MIS12: variants seen among roughly 807,000 people sequenced by gnomAD.
The protein encoded by MIS12 is protein MIS12 homolog.
MIS12 carries 13 observed loss-of-function variants against 16.5 expected under a neutral mutation model. The ratio of observed to expected loss-of-function variants is 0.79; its 90% CI spans 0.51 to 1.25. The LOEUF (loss-of-function observed/expected upper bound fraction) is 1.25, where lower values mean the gene tolerates loss of function less well. Among genes scored for constraint, MIS12 ranks in the 50% most tolerant of loss-of-function variants. The probability of loss-of-function intolerance (pLI) is 0.00; values close to 1 mark genes in which losing one functional copy is unlikely to be tolerated. For missense variants in MIS12, 199 were observed against 239.5 expected (o/e 0.83, Z 1.12); for synonymous variants, 97 against 87.3 (o/e 1.11, Z -0.62).
At position 5,489,659 on chromosome 17, in the gene MIS12, G is replaced by A; in HGVS notation, c.*179G>A. ...TTCCTCTTTTTTGGTCCACTTTGCT[G>A]AGGTATGAAGTGTACTACTTTGAAC... On this transcript the variant is annotated 3_prime_UTR_variant, in exon 3 of 3. Coordinates refer to ENST00000611091, the MANE Select transcript of MIS12 (RefSeq NM_001258217.2). 1 of 683,764 alleles carries A rather than the reference G, an allele frequency of 1.5e-6. No homozygotes were observed. The highest frequency in any genetic ancestry group is 2.4e-6 in the Non-Finnish European group (1 of 423,260). The allele number at this position is 683,764 out of a possible 1,614,324, so 42.4% of individuals were successfully genotyped here. A position where few individuals can be genotyped will look rare whatever the true frequency, so the allele number is the denominator to read the frequency against.
chr17:5,488,554 G>A lies in MIS12; in HGVS notation c.-76G>A. ...TCTAGACTTCAAAGTTGTCTAGGAT[G>A]ATAATTCAGAAGACTGATCTGTGCC... On this transcript the variant is annotated 5_prime_UTR_variant, in exon 2 of 3. The change abolishes an upstream ATG in the 5' untranslated region. Coordinates refer to ENST00000611091, the MANE Select transcript of MIS12 (RefSeq NM_001258217.2). The A allele has an allele frequency of 3.4e-6, 1 of 291,646 alleles. No homozygotes were observed. Among genetic ancestry groups the A allele is most frequent in the Non-Finnish European group, 6.5e-6 (1 of 154,198 alleles). 18.1% of individuals were successfully genotyped at this position (291,646 alleles called of 1,614,324 possible).
upstream of MIS12, chr17:5,486,381 C>A: frequency 2.0e-6 from 1 of 510,520 alleles, no homozygotes; most frequent in Admixed American, 3.4e-5. Context: ...CCCATCTCCC[C>A]ACCCTCTCTT....
intron 2 of MIS12, 104 bp downstream of exon 2, chr17:5,488,693 G>A (rs1906549165): frequency 4.3e-6 from 3 of 691,652 alleles, no homozygotes; most frequent in African/African-American, 1.8e-5. Context: ...AGTGGCATCA[G>A]GTATAAAGGA....
upstream of MIS12, chr17:5,486,385 C>A (rs567473883): frequency 2.8e-5 from 14 of 506,228 alleles, no homozygotes; most frequent in African/African-American, 2.2e-4. Context: ...TCTCCCCACC[C>A]TCTCTTCTCC....
chr17:5,490,023 C>T lies in MIS12; in HGVS notation c.*543C>T, dbSNP rs1454729247. 2 of 167,036 alleles carry T rather than the reference C, an allele frequency of 1.2e-5. No individual in the cohort carries two copies. Among genetic ancestry groups the T allele is most frequent in the Non-Finnish European group, 2.9e-5 (2 of 68,252 alleles). 10.3% of individuals were successfully genotyped at this position (167,036 alleles called of 1,614,324 possible). ...TAGCTAGGACCACAGGTGCGTGTCACCATGCTTGGCTAATTTTTTTGCAGA... is the reference window on the plus strand; with the variant it reads ...TAGCTAGGACCACAGGTGCGTGTCATCATGCTTGGCTAATTTTTTTGCAGA... On this transcript the variant is annotated 3_prime_UTR_variant, in exon 3 of 3. Transcript: ENST00000611091.
Position 5,488,830 on chromosome 17 carries a change from A to C in MIS12, c.-33A>C. On this transcript the variant is annotated 5_prime_UTR_variant, in exon 3 of 3. Coordinates refer to ENST00000611091, the MANE Select transcript of MIS12 (RefSeq NM_001258217.2). ...TCCTTTTTACATTTGCAGGTTTTTC[A>C]CGACTGAAAACAACATAGCAAAATA... 1 of 1,565,122 alleles carries C rather than the reference A, an allele frequency of 6.4e-7. No individual in the cohort carries two copies. Among genetic ancestry groups the C allele is most frequent in the South Asian group, 1.2e-5 (1 of 84,036 alleles).
chr17:5,487,728 C>T (rs1443627031), intron 1 of MIS12: 1 of 152,048 alleles, frequency 6.6e-6, no homozygotes, highest in African/African-American at 2.4e-5. Flanking sequence ...GATAGGGTTT[C>T]GCCATGTTGG....
chr17:5,489,661 G>A lies in MIS12; in HGVS notation c.*181G>A. Reference sequence around the variant, plus strand: ...CCTCTTTTTTGGTCCACTTTGCTGAGGTATGAAGTGTACTACTTTGAACTA... The same window carrying A: ...CCTCTTTTTTGGTCCACTTTGCTGAAGTATGAAGTGTACTACTTTGAACTA... On this transcript the variant is annotated 3_prime_UTR_variant, in exon 3 of 3. Coordinates refer to ENST00000611091, the MANE Select transcript of MIS12 (RefSeq NM_001258217.2). The A allele has an allele frequency of 6.0e-6, 4 of 670,030 alleles. No homozygotes were observed. Among genetic ancestry groups the A allele is most frequent in the Non-Finnish European group, 9.7e-6 (4 of 411,602 alleles). The allele number at this position is 670,030 out of a possible 1,614,324, so 41.5% of individuals were successfully genotyped here. A position where few individuals can be genotyped will look rare whatever the true frequency, so the allele number is the denominator to read the frequency against.
chr17:5,488,607 C>T lies in MIS12; in HGVS notation c.-41+18C>T, dbSNP rs957659773. Reference sequence around the variant, plus strand: ...AGTCACAGGTAAGGGAAGTGAACAACGAGGAGGGGAAAAGGGAGGGTATAG... The same window carrying T: ...AGTCACAGGTAAGGGAAGTGAACAATGAGGAGGGGAAAAGGGAGGGTATAG... On this transcript the variant is annotated intron_variant, in intron 2 of 2. Transcript: ENST00000611091. The T allele has an allele frequency of 9.6e-6, 4 of 418,738 alleles. No homozygotes were observed. The highest frequency in any genetic ancestry group is 2.7e-5 in the South Asian group (1 of 37,594). The allele number at this position is 418,738 out of a possible 1,614,324, so 25.9% of individuals were successfully genotyped here.
In MIS12 at chr17:5,488,206, T is replaced by G. The variant is rs1906514972; in HGVS notation, c.-424T>G. 1 of 152,138 alleles carries G rather than the reference T, an allele frequency of 6.6e-6. No homozygotes were observed. Among genetic ancestry groups the G allele is most frequent in the Non-Finnish European group, 1.5e-5 (1 of 68,044 alleles). The allele number at this position is 152,138 out of a possible 1,614,324, so 9.4% of individuals were successfully genotyped here. ...TTGGGTTTTTTTCAGATGGCTTGGC[T>G]GGAGGACAAGCAAATTGAGGACATT... On this transcript the variant is annotated 5_prime_UTR_variant, in exon 2 of 3. Transcript: ENST00000611091.
chr17:5,489,837 A>G lies in MIS12; in HGVS notation c.*357A>G, dbSNP rs139967990. On this transcript the variant is annotated 3_prime_UTR_variant, in exon 3 of 3. Transcript: ENST00000611091. ...ACTCTTTGGATGAGACCAGACAAGA[A>G]AAGGATTAAACGGGTGGCTCCTTTA... 5.3e-6 allele frequency: 1 copy of G among 187,236 alleles called. No homozygotes were observed. The highest frequency in any genetic ancestry group is 1.2e-5 in the Non-Finnish European group (1 of 82,104). 11.6% of individuals were successfully genotyped at this position (187,236 alleles called of 1,614,324 possible). A position where few individuals can be genotyped will look rare whatever the true frequency, so the allele number is the denominator to read the frequency against.
rs1906643786 is a variant in MIS12, at chr17:5,489,704, C to T, written c.*224C>T. 2.2e-6 allele frequency: 1 copy of T among 451,070 alleles called. No individual in the cohort carries two copies. Among genetic ancestry groups the T allele is most frequent in the Non-Finnish European group, 4.0e-6 (1 of 251,826 alleles). 27.9% of individuals were successfully genotyped at this position (451,070 alleles called of 1,614,324 possible). A position where few individuals can be genotyped will look rare whatever the true frequency, so the allele number is the denominator to read the frequency against. On this transcript the variant is annotated 3_prime_UTR_variant, in exon 3 of 3. Coordinates refer to ENST00000611091, the MANE Select transcript of MIS12 (RefSeq NM_001258217.2). ...TTGAACTAGGCTGAAGCATCTGAGT[C>T]TTCTAATAAGTGGGAAGGGATCCAA...
Position 5,489,561 on chromosome 17 carries a change from T to C in MIS12, c.*81T>C. ...CAAACCATAAGGACTGTTCAAATCA[T>C]ACCAGTGACTGTTCAAACCAACCAT... is the stretch of plus-strand genomic sequence containing the variant. On this transcript the variant is annotated 3_prime_UTR_variant, in exon 3 of 3. Transcript: ENST00000611091. 1.4e-6 allele frequency: 2 copies of C among 1,386,692 alleles called. No individual in the cohort carries two copies. The highest frequency in any genetic ancestry group is 1.9e-6 in the Non-Finnish European group (2 of 1,027,558). The allele number at this position is 1,386,692 out of a possible 1,614,324, so 85.9% of individuals were successfully genotyped here.
rs773390138 is a variant in MIS12 at position 5,489,467 on chromosome 17, T to G, written c.605T>G (p.Leu202Arg). 2 of 1,586,674 alleles carry G rather than the reference T, an allele frequency of 1.3e-6. No individual in the cohort carries two copies. Among genetic ancestry groups the G allele is most frequent in the Admixed American group, 3.8e-5 (2 of 52,494 alleles). The change falls in exon 3 of 3, where the codon CTG (leucine) becomes CGG (arginine). Residue 202 changes from leucine to arginine, a missense_variant. Leu to Arg is a moderately radical substitution (Grantham distance 102). Transcript: ENST00000611091. ...RDNVEKESKRLKIS is the reference protein window; with the variant it reads ...RDNVEKESKRRKIS ...AATGTGGAAAAGGAATCGAAACGAC[T>G]GAAAATATCTTAATTGCTCAGTAGT...
Position 5,489,651 on chromosome 17 carries a change from A to G in MIS12, c.*171A>G. 1.3e-6 allele frequency: 1 copy of G among 771,870 alleles called. No individual in the cohort carries two copies. Among genetic ancestry groups the G allele is most frequent in the Non-Finnish European group, 2.0e-6 (1 of 498,810 alleles). 47.8% of individuals were successfully genotyped at this position (771,870 alleles called of 1,614,324 possible). A position where few individuals can be genotyped will look rare whatever the true frequency, so the allele number is the denominator to read the frequency against. On this transcript the variant is annotated 3_prime_UTR_variant, in exon 3 of 3. Coordinates refer to ENST00000611091, the MANE Select transcript of MIS12 (RefSeq NM_001258217.2). ...TCTGTGTTTTCCTCTTTTTTGGTCC[A>G]CTTTGCTGAGGTATGAAGTGTACTA...
intron 1 of MIS12, 41 bp downstream of exon 1, chr17:5,486,725 G>A (rs1190470173): frequency 1.3e-5 from 2 of 152,630 alleles, no homozygotes; most frequent in Admixed American, 1.3e-4. Context: ...GGAGGAGCGG[G>A]GACGGGCGAG....
chr17:5,489,252 T>A lies in MIS12; in HGVS notation c.390T>A (p.Thr130=), dbSNP rs369714736. 1.2e-6 allele frequency: 2 copies of A among 1,614,038 alleles called. No individual in the cohort carries two copies. The highest frequency in any genetic ancestry group is 2.7e-5 in the African/African-American group (2 of 74,920). Reference sequence around the variant, plus strand: ...AACAGTTACAGGAGAAGTACAAGACTGAATTATGTACTAAGCAGGCCCTTC... The same window carrying A: ...AACAGTTACAGGAGAAGTACAAGACAGAATTATGTACTAAGCAGGCCCTTC... ...EIEQLQEKYK[T]ELCTKQALLA... is the part of the protein sequence containing the mutation. Residue 130 remains threonine (T), a synonymous_variant, in exon 3 of 3, where the codon ACT becomes ACA. Transcript: ENST00000611091.
intron 1 of MIS12, among the ~76,000 whole-genome samples, chr17:5,487,320 C>T (rs776341972): frequency 2.0e-5 from 3 of 151,900 alleles, no homozygotes; most frequent in Non-Finnish European, 2.9e-5. Context: ...CCTGTTGTCC[C>T]GGCTACTTGG....
rs1426855885 is a variant in MIS12 at position 5,490,373 on chromosome 17, G to A, written c.*893G>A. On this transcript the variant is annotated 3_prime_UTR_variant, in exon 3 of 3. Transcript: ENST00000611091. ...AAAGGAAGCATGTAGCATATACTCA[G>A]TAGTGAAATTTAATTTTACTGACTG... is the stretch of plus-strand genomic sequence containing the variant. The A allele has an allele frequency of 6.0e-6, 1 of 167,096 alleles. No homozygotes were observed. Among genetic ancestry groups the A allele is most frequent in the African/African-American group, 2.4e-5 (1 of 41,456 alleles). 10.4% of individuals were successfully genotyped at this position (167,096 alleles called of 1,614,324 possible). A position where few individuals can be genotyped will look rare whatever the true frequency, so the allele number is the denominator to read the frequency against.
Sources: allele counts gnomAD v4.1 joint callset (sites outside exome capture counted in the v4.1 genomes callset), GRCh38; gene constraint gnomAD v4.1.1; transcripts MANE v1.5; gene names NCBI Gene and HGNC (gene_info 2026-07-23, HGNC 2026-07-21).